Variants in ZNF365 observed in about 807,000 individuals in gnomAD.
ZNF365 encodes protein ZNF365.
A neutral mutation model predicts 35.0 loss-of-function variants in ZNF365; 22 were observed. The ratio of observed to expected loss-of-function variants is 0.63; its 90% CI spans 0.45 to 0.90. The LOEUF (loss-of-function observed/expected upper bound fraction) is 0.90, where lower values mean the gene tolerates loss of function less well. Among genes scored for constraint, ZNF365 ranks in the 40% least tolerant of loss-of-function variants. The pLI, the probability that ZNF365 is intolerant of heterozygous loss-of-function variation, is 0.00. For missense variants in ZNF365, 448 were observed against 500.3 expected (o/e 0.90, Z 1.00); for synonymous variants, 188 against 196.2 (o/e 0.96, Z 0.35).
intron 3 of ZNF365, among the ~76,000 whole-genome samples, chr10:62,459,112 A>G (rs887060531): frequency 3.9e-5 from 6 of 152,236 alleles, no homozygotes; most frequent in Non-Finnish European, 8.8e-5. Context: ...TTCAAAATAT[A>G]TGGTTCTACT....
intron 3 of ZNF365, among the ~76,000 whole-genome samples, chr10:62,432,504 A>G (rs1203324613): frequency 6.6e-6 from 1 of 152,186 alleles, no homozygotes; most frequent in African/African-American, 2.4e-5. Context: ...TTTCACTGAA[A>G]TGGGTACCTT....
chr10:62,451,314 A>T (rs6479814), intron 3 of ZNF365, among the ~76,000 whole-genome samples: 140,383 of 152,174 alleles, frequency 0.92, 65,103 homozygotes, highest in East Asian at 1. Flanking sequence ...TGCCTGCCTG[A>T]GCTTGTTTCC....
At chr10:62,421,144 G>T (rs1236086988) in intron 3 of ZNF365, among the ~76,000 whole-genome samples, 1 of 152,044 alleles carries the variant, frequency 6.6e-6, no homozygotes, top group Non-Finnish European at 1.5e-5. Flanking sequence ...TGTCTATTTT[G>T]ATTTGATTGT....
At chr10:62,434,476 C>G (rs551657438) in intron 3 of ZNF365, among the ~76,000 whole-genome samples, 36 of 152,152 alleles carry the variant, frequency 2.4e-4, no homozygotes, top group Admixed American at 1.3e-3. Flanking sequence ...TTAGGAAGGG[C>G]CTGAACAATT....
chr10:62,424,019 G>T (rs1469142632), intron 3 of ZNF365, among the ~76,000 whole-genome samples: 1 of 152,118 alleles, frequency 6.6e-6, no homozygotes, highest in African/African-American at 2.4e-5. Context: ...AGGGCTCGAG[G>T]TTAGGATAAA....
intron 3 of ZNF365, among the ~76,000 whole-genome samples, chr10:62,427,236 T>C (rs1383339562): frequency 6.6e-6 from 1 of 152,234 alleles, no homozygotes; most frequent in Non-Finnish European, 1.5e-5. Context: ...TGGTCAACAA[T>C]GGACCTCATC....
intron 4 of ZNF365, among the ~76,000 whole-genome samples, chr10:62,473,435 C>A (rs1841076929): frequency 6.6e-6 from 1 of 152,112 alleles, no homozygotes; most frequent in African/African-American, 2.4e-5. Context: ...AGTAACCTAG[C>A]TCCTGTTTGT....
chr10:62,477,741 G>A (rs184462409), intron 4 of ZNF365, among the ~76,000 whole-genome samples: 1 of 152,268 alleles, frequency 6.6e-6, no homozygotes, highest in Admixed American at 6.5e-5. Context: ...TCACTTGAAT[G>A]TTGTCAGTCT....
intron 3 of ZNF365, among the ~76,000 whole-genome samples, chr10:62,440,046 C>T (rs1241260788): frequency 6.6e-6 from 1 of 152,160 alleles, no homozygotes; most frequent in Non-Finnish European, 1.5e-5. Context: ...ATCTAAGAGA[C>T]TGCTAAATTG....
intron 3 of ZNF365, among the ~76,000 whole-genome samples, chr10:62,443,058 G>A (rs1840527939): frequency 6.6e-6 from 1 of 152,180 alleles, no homozygotes; most frequent in South Asian, 2.1e-4. Context: ...TGAATCACCG[G>A]ACACTCTGTT....
intron 3 of ZNF365, among the ~76,000 whole-genome samples, chr10:62,439,997 C>T (rs191283176): frequency 3.3e-5 from 5 of 152,218 alleles, no homozygotes; most frequent in African/African-American, 7.2e-5. Context: ...CACTTTCTCC[C>T]GCACAAAATG....
Position 62,400,614 on chromosome 10 carries a change from G to A in ZNF365, c.*825G>A. On this transcript the variant is annotated 3_prime_UTR_variant, in exon 5 of 5. Coordinates refer to ENST00000395254, the MANE Select transcript of ZNF365 (RefSeq NM_014951.3). ...GCATGGGCTGGGTGGCTAGGTGGTT[G>A]GAATGACAGTGGACTGCACGCTTGG... 2.0e-6 allele frequency: 2 copies of A among 985,888 alleles called. No individual in the cohort carries two copies. Among genetic ancestry groups the A allele is most frequent in the Non-Finnish European group, 2.4e-6 (2 of 829,954 alleles). 61.1% of individuals were successfully genotyped at this position (985,888 alleles called of 1,614,324 possible). A position where few individuals can be genotyped will look rare whatever the true frequency, so the allele number is the denominator to read the frequency against.
intron 3 of ZNF365, among the ~76,000 whole-genome samples, chr10:62,451,486 A>G (rs1840683597): frequency 6.6e-6 from 1 of 152,162 alleles, no homozygotes; most frequent in South Asian, 2.1e-4. Context: ...GCAAAAAAGC[A>G]GAAACTGGTG....
Position 62,479,875 on chromosome 10 carries a change from G to A in ZNF365, c.982-1G>A, listed in dbSNP as rs1841194131. ...ACTTTCCTTTTGGCTTTTATGACTAGGAGTCTGCGATTGTGGAATAATGAA... is the reference window on the plus strand; with the variant it reads ...ACTTTCCTTTTGGCTTTTATGACTAAGAGTCTGCGATTGTGGAATAATGAA... On this transcript the variant is annotated splice_acceptor_variant, in intron 4 of 4. Transcript: ENST00000395255. LOFTEE classifies it high-confidence loss of function. 6.2e-7 allele frequency: 1 copy of A among 1,608,938 alleles called. No individual in the cohort carries two copies. Among genetic ancestry groups the A allele is most frequent in the Non-Finnish European group, 8.5e-7 (1 of 1,175,740 alleles).
At chr10:62,413,217 T>C (rs779658001) in intron 3 of ZNF365, among the ~76,000 whole-genome samples, 1 of 152,174 alleles carries the variant, frequency 6.6e-6, no homozygotes, top group Non-Finnish European at 1.5e-5. Flanking sequence ...GTGGTTGTAT[T>C]TCCCAAAGTG....
At chr10:62,438,803 G>T (rs1840448880) in intron 3 of ZNF365, among the ~76,000 whole-genome samples, 1 of 152,166 alleles carries the variant, frequency 6.6e-6, no homozygotes. Flanking sequence ...AATAGCTGAT[G>T]AATGGTATCT....
chr10:62,386,571 G>T (rs1839529775), intron 2 of ZNF365, among the ~76,000 whole-genome samples: 2 of 152,200 alleles, frequency 1.3e-5, no homozygotes, highest in Admixed American at 6.5e-5. Flanking sequence ...CCAAAGTTTT[G>T]TAAGGATGTG....
intron 3 of ZNF365, among the ~76,000 whole-genome samples, chr10:62,424,542 C>T (rs564014966): frequency 1.2e-4 from 19 of 152,150 alleles, no homozygotes; most frequent in Non-Finnish European, 2.5e-4. Context: ...CTATTTTGGA[C>T]CACTGATCAC....
rs765967693 is a variant in ZNF365 at position 62,376,620 on chromosome 10, C to T, written c.427C>T (p.Arg143Trp). The change falls in exon 2 of 5, where the codon CGG (arginine) becomes TGG (tryptophan). Residue 143 changes from arginine (R) to tryptophan (W), a missense_variant. Transcript: ENST00000395254. ...DLHADSLDGT[R>W]SGPGLPTSDT... ...CCATGCAGACTCGCTGGATGGGACA[C>T]GGTCGGGTCCTGGACTGCCCACCTC... 8 of 1,614,046 alleles carry T rather than the reference C, an allele frequency of 5.0e-6. No homozygotes were observed. The highest frequency in any genetic ancestry group is 3.3e-5 in the South Asian group (3 of 91,092).
Sources: allele counts gnomAD v4.1 joint callset (sites outside exome capture counted in the v4.1 genomes callset), GRCh38; gene constraint gnomAD v4.1.1; transcripts MANE v1.5; gene names NCBI Gene and HGNC (gene_info 2026-07-23, HGNC 2026-07-21).